The following PHC3 variants were observed in gnomAD, a reference collection of about 807,000 sequenced individuals.
The protein encoded by PHC3 is polyhomeotic-like protein 3.
Under a neutral mutation model 107.4 loss-of-function variants are expected in PHC3, and 13 were observed. The observed-to-expected ratio is 0.12, with a 90% CI of 0.08 to 0.19. PHC3 has a LOEUF of 0.19. Among genes scored for constraint, PHC3 ranks in the 10% least tolerant of loss-of-function variants. The pLI, the probability that PHC3 is intolerant of heterozygous loss-of-function variation, is 1.00. For missense variants in PHC3, 992 were observed against 1,210.9 expected, an observed-to-expected ratio of 0.82 and a Z score of 2.68; for synonymous variants, 456 against 427.4, an observed-to-expected ratio of 1.07 and a Z score of -0.83.
At chr3:170,149,868 A>T (rs1479321174) in intron 4 of PHC3, 1 of 152,208 alleles carries the variant, frequency 6.6e-6, no homozygotes, top group African/African-American at 2.4e-5. Flanking sequence ...CAGCACATAT[A>T]CTAAAACTGG....
chr3:170,149,012 T>C (rs1410208156), intron 5 of PHC3, 74 bp downstream of exon 5: 30 of 1,411,108 alleles, frequency 2.1e-5, no homozygotes, highest in Non-Finnish European at 2.7e-5. Flanking sequence ...ATACCTCTTA[T>C]TGTATCAAAT....
At chr3:170,162,313 C>T (rs1728025178) in intron 4 of PHC3, among the ~76,000 whole-genome samples, 1 of 152,144 alleles carries the variant, frequency 6.6e-6, no homozygotes, top group Non-Finnish European at 1.5e-5. Flanking sequence ...AATGCCTACT[C>T]AATACTATAG....
At chr3:170,173,937 G>C (rs573032374) in intron 2 of PHC3, among the ~76,000 whole-genome samples, 6 of 152,262 alleles carry the variant, frequency 3.9e-5, no homozygotes, top group African/African-American at 1.4e-4. Flanking sequence ...TCATGCCTGT[G>C]ATCCCACCAC....
chr3:170,097,204 T>C lies in PHC3; in HGVS notation c.*26A>G, dbSNP rs1330205396. 6.4e-7 allele frequency: 1 copy of C among 1,571,324 alleles called. No individual in the cohort carries two copies. The highest frequency in any genetic ancestry group is 8.7e-7 in the Non-Finnish European group (1 of 1,151,790). On this transcript the variant is annotated 3_prime_UTR_variant, in exon 15 of 15. Transcript: ENST00000495893. This position sits in a 1 kb window ranked among gnomAD's most constrained non-coding sequence, Gnocchi z 4.1. ...GTTTTTGTGAGAAAAGTAAAACTGC[T>C]GTTTTATCAAGGCTTCATGTTCCTG...
chr3:170,099,584 G>A (rs1340950986), intron 14 of PHC3, among the ~76,000 whole-genome samples: 1 of 152,170 alleles, frequency 6.6e-6, no homozygotes, highest in African/African-American at 2.4e-5. Context: ...AGTCAGCTGA[G>A]CTAGCTTCAC....
intron 6 of PHC3, among the ~76,000 whole-genome samples, chr3:170,139,393 G>A (rs1723666541): frequency 6.6e-6 from 1 of 152,104 alleles, no homozygotes; most frequent in Non-Finnish European, 1.5e-5. Context: ...CAGGAAGCAA[G>A]AGAAAGACAA....
intron 3 of PHC3, among the ~76,000 whole-genome samples, chr3:170,172,126 G>A (rs987104800): frequency 6.6e-6 from 1 of 151,950 alleles, no homozygotes; most frequent in Non-Finnish European, 1.5e-5. Context: ...TTTGAAGAAC[G>A]GGAAACAGTG....
chr3:170,128,875 T>A lies in PHC3; in HGVS notation c.1597A>T (p.Met533Leu), dbSNP rs375861003. 1 of 1,613,892 alleles carries A rather than the reference T, an allele frequency of 6.2e-7. No individual in the cohort carries two copies. Among genetic ancestry groups the A allele is most frequent in the African/African-American group, 1.3e-5 (1 of 74,932 alleles). Residue 533 changes from methionine to leucine, a missense_variant, in exon 8 of 15, where the codon ATG (methionine) becomes TTG (leucine). By Grantham distance (15) the Met-to-Leu change is conservative (BLOSUM62 2). Transcript: ENST00000495893. Reference protein sequence around the residue: ...AQIPPLPLQSMQSLQVQPEIL... With the variant: ...AQIPPLPLQSLQSLQVQPEIL... Reference sequence around the variant, plus strand: ...TCAGGCTGCACTTGTAAAGACTGCATAGACTGCAAGGGCAGTGGTGGAATC... The same window carrying A: ...TCAGGCTGCACTTGTAAAGACTGCAAAGACTGCAAGGGCAGTGGTGGAATC...
intron 4 of PHC3, among the ~76,000 whole-genome samples, chr3:170,156,755 C>T (rs1351277503): frequency 6.6e-6 from 1 of 151,824 alleles, no homozygotes; most frequent in Non-Finnish European, 1.5e-5. Context: ...TGCTACCATG[C>T]CTGGCTAATT....
At chr3:170,136,360 T>C (rs1723074643) in intron 7 of PHC3, 59 bp downstream of exon 7, 1 of 1,598,692 alleles carries the variant, frequency 6.3e-7, no homozygotes, top group African/African-American at 1.3e-5. Flanking sequence ...TCCTTTGTTT[T>C]GCTCTGTCTG....
chr3:170,155,713 C>T (rs957278059), intron 4 of PHC3, among the ~76,000 whole-genome samples: 2 of 151,692 alleles, frequency 1.3e-5, no homozygotes, highest in Non-Finnish European at 2.9e-5. Context: ...AGAGCGAGAC[C>T]CTGTCTCCAA....
chr3:170,116,064 A>C (rs1718908594), intron 10 of PHC3, among the ~76,000 whole-genome samples: 1 of 152,216 alleles, frequency 6.6e-6, no homozygotes, highest in Non-Finnish European at 1.5e-5. Context: ...AAAAATGTTT[A>C]TCTCTAGATA....
At chr3:170,147,577 A>G (rs1008135550) in intron 5 of PHC3, 3 of 152,240 alleles carry the variant, frequency 2.0e-5, no homozygotes, top group African/African-American at 7.2e-5. Context: ...CCTAAACAAT[A>G]TAGTATAACA....
chr3:170,175,638 G>C (rs1035475591), intron 2 of PHC3, among the ~76,000 whole-genome samples: 1 of 150,706 alleles, frequency 6.6e-6, no homozygotes, highest in South Asian at 2.1e-4. Flanking sequence ...AAAAAAAAAG[G>C]GGGGGGCCAG....
At position 170,164,137 on chromosome 3, in the gene PHC3, A is replaced by G. The variant is rs528129884; in HGVS notation, c.414+7236T>C. Among the ~76,000 whole-genome samples, 10 of 152,232 alleles carry G rather than the reference A, an allele frequency of 6.6e-5. No individual in the cohort carries two copies. In the East Asian group the frequency reaches 1.9e-3, roughly 29 times the overall value. On this transcript the variant is annotated intron_variant, in intron 4 of 14. Transcript: ENST00000495893. ...GAATTGCTTGAGAATTTGAAGCTGCAGTGAGCTATGATCATGCCACTGCCC... is the reference window on the plus strand; with the variant it reads ...GAATTGCTTGAGAATTTGAAGCTGCGGTGAGCTATGATCATGCCACTGCCC...
chr3:170,124,899 T>G (rs1721010016), intron 8 of PHC3, among the ~76,000 whole-genome samples: 1 of 152,012 alleles, frequency 6.6e-6, no homozygotes, highest in Admixed American at 6.6e-5. Flanking sequence ...TAACAATAGG[T>G]GACAATCAAA....
intron 1 of PHC3, among the ~76,000 whole-genome samples, chr3:170,181,267 GAGA>G (rs1420050826): frequency 2.0e-5 from 3 of 152,174 alleles, no homozygotes; most frequent in South Asian, 2.1e-4. Flanking sequence ...GGGCGGGAAG[GAGA>G]AGAAGGCGAA....
At chr3:170,166,324 G>A (rs1012470179) in intron 4 of PHC3, among the ~76,000 whole-genome samples, 4 of 152,022 alleles carry the variant, frequency 2.6e-5, no homozygotes, top group African/African-American at 9.7e-5. Flanking sequence ...GATTACAGGC[G>A]TGAGCCACTG....
chr3:170,102,714 G>C lies in PHC3; in HGVS notation c.2602-4C>G, dbSNP rs1195885141. The C allele has an allele frequency of 6.2e-7, 1 of 1,613,890 alleles. No homozygotes were observed. The highest frequency in any genetic ancestry group is 1.1e-5 in the South Asian group (1 of 91,084). On this transcript the variant is annotated splice_polypyrimidine_tract_variant and splice_region_variant and intron_variant, in intron 13 of 14. Transcript: ENST00000495893. ...CAGATGGATAAGTAATTGGAAGCTGGAAAATGTAGTACAAGCAAAATACAG... is the reference window on the plus strand; with the variant it reads ...CAGATGGATAAGTAATTGGAAGCTGCAAAATGTAGTACAAGCAAAATACAG...
Sources: gnomAD v4.1 joint callset for allele counts (sites outside exome capture counted in the v4.1 genomes callset) on GRCh38, gnomAD v4.1.1 for gene constraint, Gnocchi (gnomAD v3.1) non-coding constraint, MANE v1.5 for transcripts, NCBI Gene and HGNC (gene_info 2026-07-23, HGNC 2026-07-21) for gene names.